Variants in APOO observed in about 807,000 individuals in gnomAD.
APOO encodes the protein MICOS complex subunit MIC26.
APOO carries 11 observed loss-of-function variants against 23.1 expected under a neutral mutation model. The observed-to-expected ratio is 0.48, with a 90% CI of 0.30 to 0.79. The LOEUF (loss-of-function observed/expected upper bound fraction) is 0.79, where lower values mean the gene tolerates loss of function less well. Ranked by LOEUF, APOO falls within the 30% of genes least tolerant of loss-of-function variation. APOO has a pLI of 0.07. For synonymous variants in APOO, 59 were observed against 54.8 expected (o/e 1.08, Z -0.34); for missense variants, 160 against 142.7 (o/e 1.12, Z -0.62).
intron 8 of APOO, among the ~76,000 whole-genome samples, chrX:23,834,014 G>A (rs1331592010): frequency 2.7e-5 from 3 of 110,360 alleles, no homozygotes; most frequent in Non-Finnish European, 5.7e-5. Context: ...AGAAACCATA[G>A]AAAATATTTA....
intron 4 of APOO, among the ~76,000 whole-genome samples, chrX:23,870,432 T>C (rs1431288360): frequency 8.9e-6 from 1 of 111,850 alleles, no homozygotes; most frequent in East Asian, 2.8e-4. Flanking sequence ...GATAGATTGC[T>C]TACACTTCTG....
intron 7 of APOO, among the ~76,000 whole-genome samples, chrX:23,845,967 A>C (rs1665889167): frequency 8.9e-6 from 1 of 111,972 alleles, no homozygotes; most frequent in Admixed American, 9.6e-5. Context: ...GAAAAACTAA[A>C]ATATGATATT....
chrX:23,872,245 A>G (rs1925651118), intron 4 of APOO, among the ~76,000 whole-genome samples: 1 of 110,869 alleles, frequency 9.0e-6, no homozygotes, highest in South Asian at 3.7e-4. Flanking sequence ...CCTCTACAAA[A>G]AGTGGAAAAA....
intron 7 of APOO, among the ~76,000 whole-genome samples, chrX:23,843,974 T>C (rs767438920): frequency 3.6e-5 from 4 of 112,412 alleles, no homozygotes; most frequent in African/African-American, 1.3e-4. Context: ...TGAAGGCTGA[T>C]TGCCAGCCAG....
At position 23,859,227 on chromosome X, in the gene APOO, T is replaced by C. The variant is rs1601899838; in HGVS notation, c.389-494A>G. ...ACCAAAACGCTTTTGCACTGCTTTATTGAGATAAAATTCATATTCACCCAT... is the reference window on the plus strand; with the variant it reads ...ACCAAAACGCTTTTGCACTGCTTTACTGAGATAAAATTCATATTCACCCAT... On this transcript the variant is annotated intron_variant, in intron 5 of 8. Transcript: ENST00000379226. Among the ~76,000 whole-genome samples, 3 of 111,912 alleles carry C rather than the reference T, an allele frequency of 2.7e-5. No homozygotes were observed. The East Asian group carries it at 8.4e-4, about 31-fold the overall frequency.
At chrX:23,869,042 G>C (rs1925478128) in intron 4 of APOO, among the ~76,000 whole-genome samples, 4 of 108,743 alleles carry the variant, frequency 3.7e-5, no homozygotes, top group Middle Eastern at 4.7e-3. Flanking sequence ...CCAAGTAGCT[G>C]GGATTACAAG....
chrX:23,898,997 G>T (rs948353191), intron 1 of APOO, among the ~76,000 whole-genome samples: 1 of 112,033 alleles, frequency 8.9e-6, no homozygotes, highest in East Asian at 2.8e-4. Flanking sequence ...TTCTTTTCAG[G>T]AATATCTGAA....
intron 7 of APOO, among the ~76,000 whole-genome samples, chrX:23,855,622 T>A (rs1433704436): frequency 8.9e-6 from 1 of 111,803 alleles, no homozygotes; most frequent in Non-Finnish European, 1.9e-5. Flanking sequence ...ACATGATACC[T>A]TATTCTCTAC....
At chrX:23,880,058 G>GT (rs770501178) in intron 2 of APOO, among the ~76,000 whole-genome samples, 7,790 of 98,688 alleles carry the variant, frequency 0.079, 730 homozygotes, top group African/African-American at 0.26. Context: ...AAGATTTCTT[G>GT]TTTTTTTTTT....
intron 7 of APOO, among the ~76,000 whole-genome samples, chrX:23,854,557 G>A (rs1193097785): frequency 8.9e-6 from 1 of 111,800 alleles, no homozygotes; most frequent in Non-Finnish European, 1.9e-5. Context: ...GTCTCGCTCT[G>A]TTGCCCAGGC....
chrX:23,851,013 T>C (rs1446036969), intron 7 of APOO, among the ~76,000 whole-genome samples: 1 of 111,158 alleles, frequency 9.0e-6, no homozygotes, highest in Middle Eastern at 4.6e-3. Context: ...ATTTGGTATA[T>C]TTTTATAAAG....
At chrX:23,895,895 G>A (rs1240848118) in intron 1 of APOO, among the ~76,000 whole-genome samples, 1 of 109,169 alleles carries the variant, frequency 9.2e-6, no homozygotes, top group African/African-American at 3.3e-5. Flanking sequence ...AAAGAGGAAG[G>A]GGACTTGTAG....
At chrX:23,880,266 G>GGATT (rs1278349203) in intron 2 of APOO, among the ~76,000 whole-genome samples, 2 of 110,701 alleles carry the variant, frequency 1.8e-5, no homozygotes, top group Admixed American at 1.9e-4. Flanking sequence ...GGGACACAGT[G>GGATT]GATTCCCCAG....
At chrX:23,858,756 C>T (rs775451366) in intron 5 of APOO, 23 bp from the exon 6 acceptor site, 3 of 1,143,522 alleles carry the variant, frequency 2.6e-6, no homozygotes, top group East Asian at 6.0e-5. Context: ...AGGTTGTACA[C>T]GCCATCAGAT....
intron 6 of APOO, 103 bp downstream of exon 6, chrX:23,858,539 G>C (rs1924875077): frequency 1.3e-6 from 1 of 769,167 alleles, no homozygotes; most frequent in South Asian, 3.0e-5. Context: ...ACAAATTTTA[G>C]TCTGGTGTTA....
chrX:23,853,282 AT>A (rs1164518166), intron 7 of APOO, among the ~76,000 whole-genome samples: 5 of 109,973 alleles, frequency 4.5e-5, no homozygotes, highest in Non-Finnish European at 7.5e-5. Context: ...AAACCAAAAA[AT>A]AAAAAACAAA....
At chrX:23,846,690 C>T (rs1317745826) in intron 7 of APOO, among the ~76,000 whole-genome samples, 1 of 109,425 alleles carries the variant, frequency 9.1e-6, no homozygotes, top group African/African-American at 3.3e-5. Flanking sequence ...AGGACTGACA[C>T]CCACAACTGA....
chrX:23,853,199 A>G (rs1924625228), intron 7 of APOO, among the ~76,000 whole-genome samples: 1 of 111,463 alleles, frequency 9.0e-6, no homozygotes, highest in South Asian at 3.7e-4. Context: ...TGGAGGTTGC[A>G]GTAAGCCGAG....
At chrX:23,863,070 AT>A (rs772084783) in intron 5 of APOO, among the ~76,000 whole-genome samples, 1 of 112,456 alleles carries the variant, frequency 8.9e-6, no homozygotes, top group South Asian at 3.7e-4. Flanking sequence ...ATGGTGGCTC[AT>A]GCCTGTAATC....
Sources: allele counts gnomAD v4.1 joint callset (sites outside exome capture counted in the v4.1 genomes callset), GRCh38; gene constraint gnomAD v4.1.1; transcripts MANE v1.5; gene names NCBI Gene and HGNC (gene_info 2026-07-23, HGNC 2026-07-21).